Variants in ZNF638 observed in about 807,000 individuals in gnomAD.
ZNF638 encodes the protein zinc finger protein 638, also known as CTCL tumor antigen se33-1.
ZNF638 carries 46 observed loss-of-function variants against 195.6 expected under a neutral mutation model. The observed-to-expected ratio is 0.24, with a 90% CI of 0.19 to 0.30. ZNF638 has a LOEUF of 0.30. ZNF638 is among the 10% of genes least tolerant of loss of function. The probability of loss-of-function intolerance (pLI) is 1.00; values close to 1 mark genes in which losing one functional copy is unlikely to be tolerated. For missense variants in ZNF638, 2,440 were observed against 2,325.3 expected (o/e 1.05, Z -1.01); for synonymous variants, 845 against 772.0 (o/e 1.09, Z -1.57).
Position 71,401,943 on chromosome 2 carries a change from A to T in ZNF638, c.2698-13A>T, listed in dbSNP as rs777014043. The T allele has an allele frequency of 2.6e-6, 4 of 1,547,480 alleles. No individual in the cohort carries two copies. Among genetic ancestry groups the T allele is most frequent in the South Asian group, 2.5e-5 (2 of 81,408 alleles). On this transcript the variant is annotated splice_polypyrimidine_tract_variant and intron_variant, in intron 15 of 27. Coordinates refer to ENST00000264447, the MANE Select transcript of ZNF638 (RefSeq NM_014497.5). ...GAAATTTTAATAACAGGTTTTAAAA[A>T]TTTGTTTTGAAGGAAACAGAAGAAA...
rs185199237 is a variant in ZNF638 at position 71,369,041 on chromosome 2, A to G, written c.2142+513A>G. Among the ~76,000 whole-genome samples, 432 of 152,192 alleles carry G rather than the reference A, an allele frequency of 2.8e-3. 1 individual carries two copies. Among genetic ancestry groups the G allele is most frequent in the African/African-American group, 9.2e-3 (380 of 41,514 alleles). On this transcript the variant is annotated intron_variant, in intron 7 of 27. Coordinates refer to ENST00000264447, the MANE Select transcript of ZNF638 (RefSeq NM_014497.5). ...GTTCTTCACATAAGCACAACATAAAATAGTTAGTTAAGGCTGGGCGTGTTG... is the reference window on the plus strand; with the variant it reads ...GTTCTTCACATAAGCACAACATAAAGTAGTTAGTTAAGGCTGGGCGTGTTG...
At position 71,423,342 on chromosome 2, in the gene ZNF638, A is replaced by T. The variant is rs759826000; in HGVS notation, c.3828A>T (p.Pro1276=). The change falls in exon 22 of 28, where the codon CCA becomes CCT. Residue 1276 remains proline (P), a synonymous_variant. Transcript: ENST00000264447. ...ATGAAACTGTTTCGGAAATATTGCC[A>T]TCAACTTGTATTGTGACGTTAGTAC... ...EKNETVSEIL[P]STCIVTLVPG... 1.2e-6 allele frequency: 2 copies of T among 1,613,980 alleles called. No homozygotes were observed. The highest frequency in any genetic ancestry group is 1.7e-6 in the Non-Finnish European group (2 of 1,179,996).
In ZNF638 at chr2:71,431,069, C is replaced by T. The variant is rs2080648165; in HGVS notation, c.5651-258C>T. ...AGTAATGATAGGACTTGTATTACTTCGTTAAATTCTGCCTGGAACATATAT... is the reference window on the plus strand; with the variant it reads ...AGTAATGATAGGACTTGTATTACTTTGTTAAATTCTGCCTGGAACATATAT... On this transcript the variant is annotated intron_variant, in intron 25 of 27. Coordinates refer to ENST00000264447, the MANE Select transcript of ZNF638 (RefSeq NM_014497.5). 5.7e-5 allele frequency: 18 copies of T among 315,178 alleles called. No individual in the cohort carries two copies. The South Asian group carries it at 6.7e-4, about 12-fold the overall frequency. 19.5% of individuals were successfully genotyped at this position (315,178 alleles called of 1,614,324 possible).
chr2:71,374,685 A>AG (rs1433422018), intron 8 of ZNF638: 3 of 152,218 alleles, frequency 2.0e-5, no homozygotes, highest in African/African-American at 7.2e-5. Flanking sequence ...TGAGAGGCTG[A>AG]GGTGGGCAGA....
intron 8 of ZNF638, chr2:71,379,937 C>T (rs926040510): frequency 1.1e-5 from 2 of 187,864 alleles, no homozygotes; most frequent in Non-Finnish European, 2.2e-5. Context: ...GGAAAAAAAA[C>T]ATAGTATATA....
intron 3 of ZNF638, among the ~76,000 whole-genome samples, chr2:71,358,644 T>C (rs1197246150): frequency 6.6e-6 from 1 of 152,240 alleles, no homozygotes; most frequent in Non-Finnish European, 1.5e-5. Context: ...TTCTCCAGGC[T>C]GTGTCTCCTA....
chr2:71,380,374 CACTATA>C (rs2079514474), intron 9 of ZNF638, 94 bp downstream of exon 9: 4 of 1,110,466 alleles, frequency 3.6e-6, no homozygotes, highest in Non-Finnish European at 5.1e-6. Flanking sequence ...TATATTTTAT[CACTATA>C]ACTATAGTTT....
chr2:71,343,989 G>T (rs2078808783), intron 1 of ZNF638, among the ~76,000 whole-genome samples: 1 of 152,192 alleles, frequency 6.6e-6, no homozygotes, highest in Non-Finnish European at 1.5e-5. Flanking sequence ...AATCAGCCGG[G>T]TGTGGTGGCA....
rs575557135 is a variant in ZNF638, at chr2:71,393,674, T to C, written c.2378-2467T>C. On this transcript the variant is annotated intron_variant, in intron 10 of 27. Transcript: ENST00000264447. The stretch of plus-strand genomic sequence containing the variant: ...AGTTACAACTCACGTAGGATCCTTT[T>C]TATGCTCTCGCTTCCCCTGCAACCC... 1.6e-4 allele frequency: 115 copies of C among 714,168 alleles called. 2 individuals carry two copies. The South Asian group carries it at 1.7e-3, about 10-fold the overall frequency. 44.2% of individuals were successfully genotyped at this position (714,168 alleles called of 1,614,324 possible).
chr2:71,391,289 T>C (rs1169682937), intron 10 of ZNF638, among the ~76,000 whole-genome samples: 1 of 152,180 alleles, frequency 6.6e-6, no homozygotes, highest in Admixed American at 6.5e-5. Context: ...AAAGACTGCT[T>C]TAATACTATT....
intron 20 of ZNF638, 60 bp downstream of exon 20, chr2:71,408,307 A>C: frequency 6.4e-7 from 1 of 1,551,354 alleles, no homozygotes; most frequent in Non-Finnish European, 8.7e-7. Context: ...CATAAAGGTC[A>C]TTCTCAGGTA....
At chr2:71,400,583 T>C (rs1035670889) in intron 15 of ZNF638, 65 bp downstream of exon 15, 4 of 1,407,350 alleles carry the variant, frequency 2.8e-6, no homozygotes, top group Non-Finnish European at 3.9e-6. Context: ...ATATTTTTCT[T>C]ATAAACCCAG....
chr2:71,408,203 C>T lies in ZNF638; in HGVS notation c.3217C>T (p.His1073Tyr). 6.2e-6 allele frequency: 10 copies of T among 1,613,138 alleles called. No homozygotes were observed. Among genetic ancestry groups the T allele is most frequent in the Non-Finnish European group, 8.5e-6 (10 of 1,179,478 alleles). ...ACAAAATCCACAAAATATTGGTGAC[C>T]ATATGTTGACCTGCTCATTATCTCC... ...LKQNPQNIGD[H>Y]MLTCSLSPKI... The change falls in exon 20 of 28, where the codon CAT (histidine) becomes TAT (tyrosine). Residue 1073 changes from histidine to tyrosine, a missense_variant. Physicochemically the swap from His to Tyr is moderately conservative, Grantham distance 83. Coordinates refer to ENST00000264447, the MANE Select transcript of ZNF638 (RefSeq NM_014497.5).
At chr2:71,402,562 C>T (rs1031499461) in intron 16 of ZNF638, among the ~76,000 whole-genome samples, 2 of 152,014 alleles carry the variant, frequency 1.3e-5, no homozygotes, top group Admixed American at 1.3e-4. Flanking sequence ...ACTCTTTCTG[C>T]TCTTATCAGT....
At chr2:71,380,764 A>G (rs2079522063) in intron 10 of ZNF638, 199 bp downstream of exon 10, 2 of 419,134 alleles carry the variant, frequency 4.8e-6, no homozygotes, top group African/African-American at 2.1e-5. Context: ...AGTAAATACA[A>G]CAAATCTGTG....
chr2:71,390,435 C>G (rs375345870), intron 10 of ZNF638, among the ~76,000 whole-genome samples: 7 of 152,282 alleles, frequency 4.6e-5, no homozygotes, highest in African/African-American at 1.7e-4. Context: ...GATGATCAAG[C>G]CTATCCAGCA....
chr2:71,331,984 C>G (rs1025448718), intron 1 of ZNF638, 109 bp downstream of exon 1: 2 of 953,710 alleles, frequency 2.1e-6, no homozygotes, highest in African/African-American at 3.5e-5. Context: ...ATCTGTGTCG[C>G]AGCGGCTCCG....
At position 71,428,403 on chromosome 2, in the gene ZNF638, TTTATA is replaced by T. The variant is rs1434221978; in HGVS notation, c.5546-140_5546-136del. 4 of 541,160 alleles carry T rather than the reference TTTATA, an allele frequency of 7.4e-6. No homozygotes were observed. In the African/African-American group the frequency reaches 7.7e-5, roughly 10 times the overall value. The allele number at this position is 541,160 out of a possible 1,614,324, so 33.5% of individuals were successfully genotyped here. A position where few individuals can be genotyped will look rare whatever the true frequency, so the allele number is the denominator to read the frequency against. On this transcript the variant is annotated intron_variant, in intron 24 of 27. Coordinates refer to ENST00000264447, the MANE Select transcript of ZNF638 (RefSeq NM_014497.5). ...TTATTTTAAAATAGAATTCTTCTATTTTATATTAGCAGTAGGCTTCCCTCCCAAAT... is the reference window on the plus strand; with the variant it reads ...TTATTTTAAAATAGAATTCTTCTATTTTAGCAGTAGGCTTCCCTCCCAAAT...
intron 7 of ZNF638, among the ~76,000 whole-genome samples, chr2:71,369,142 C>G (rs2079259334): frequency 6.7e-6 from 1 of 149,250 alleles, no homozygotes. Context: ...TGAGACCAGC[C>G]CGACCAACAT....
Sources: allele counts gnomAD v4.1 joint callset (sites outside exome capture counted in the v4.1 genomes callset), GRCh38; gene constraint gnomAD v4.1.1; transcripts MANE v1.5; gene names NCBI Gene and HGNC (gene_info 2026-07-23, HGNC 2026-07-21).